TMEM232: variants seen among roughly 807,000 people sequenced by gnomAD.
TMEM232 encodes transmembrane protein 232.
In TMEM232, 80 loss-of-function variants were observed where a neutral mutation model predicts 78.8. That is an observed-to-expected ratio of 1.01 (90% confidence interval 0.85 to 1.22). The LOEUF (loss-of-function observed/expected upper bound fraction) is 1.22, where lower values mean the gene tolerates loss of function less well. Ranked by LOEUF, TMEM232 falls within the 50% of genes most tolerant of loss-of-function variation. The pLI is 0.00. For missense variants in TMEM232, 881 were observed against 742.2 expected (o/e 1.19, Z -2.17); for synonymous variants, 297 against 254.3 (o/e 1.17, Z -1.60).
At chr5:110,708,931 T>C (rs538077835) in intron 1 of TMEM232, among the ~76,000 whole-genome samples, 30 of 151,758 alleles carry the variant, frequency 2.0e-4, no homozygotes, top group Non-Finnish European at 3.7e-4. Context: ...TAAAAAAAAA[T>C]ATAGTGGCCG....
chr5:110,416,553 A>C (rs1413685952), downstream of TMEM232, among the ~76,000 whole-genome samples: 1 of 152,228 alleles, frequency 6.6e-6, no homozygotes, highest in Non-Finnish European at 1.5e-5. Context: ...AAGCAACCCC[A>C]AAGCAATTTC....
At chr5:110,673,074 C>T (rs903838791) in intron 1 of TMEM232, among the ~76,000 whole-genome samples, 2 of 152,018 alleles carry the variant, frequency 1.3e-5, no homozygotes, top group Admixed American at 6.6e-5. Context: ...CAATGATAGA[C>T]TGGATTAAGA....
chr5:110,716,053 G>T (rs978193634), intron 1 of TMEM232, among the ~76,000 whole-genome samples: 5 of 152,056 alleles, frequency 3.3e-5, no homozygotes, highest in African/African-American at 1.2e-4. Flanking sequence ...CCAAGCCAAT[G>T]TATATCTTAA....
intron 8 of TMEM232, among the ~76,000 whole-genome samples, chr5:110,608,879 T>C (rs1012047612): frequency 6.6e-6 from 1 of 152,074 alleles, no homozygotes; most frequent in African/African-American, 2.4e-5. Context: ...GTCTCAAGTA[T>C]CAGCATATTG....
rs897002255 is a variant in TMEM232 at position 110,696,748 on chromosome 5, G to A, written c.-12-29384C>T. On this transcript the variant is annotated intron_variant, in intron 1 of 13. Transcript: ENST00000455884. The stretch of plus-strand genomic sequence containing the variant: ...CTAGGAATCCAACTTATAAGGGATG[G>A]GAAGGACCTCTTCAAGGAGAACTAC... Among the ~76,000 whole-genome samples the A allele has an allele frequency of 2.3e-4, 35 of 151,644 alleles. 1 individual carries two copies. The highest frequency in any genetic ancestry group is 8.5e-4 in the African/African-American group (35 of 41,320).
At chr5:110,657,845 T>A (rs1314318122) in intron 2 of TMEM232, among the ~76,000 whole-genome samples, 2 of 152,066 alleles carry the variant, frequency 1.3e-5, no homozygotes, top group African/African-American at 4.8e-5. Context: ...GATTTTAGGG[T>A]GCTAATCAAT....
At chr5:110,413,305 G>T (rs530817339) in intron 2 of TMEM232, among the ~76,000 whole-genome samples, 49 of 152,100 alleles carry the variant, frequency 3.2e-4, no homozygotes, top group Non-Finnish European at 6.3e-4. Context: ...TGGACTCCTG[G>T]ACTTACACCA....
chr5:110,608,587 T>A (rs142586190), intron 8 of TMEM232, among the ~76,000 whole-genome samples: 1 of 152,066 alleles, frequency 6.6e-6, no homozygotes, highest in Non-Finnish European at 1.5e-5. Flanking sequence ...GATAGTCTCA[T>A]TGAACTATGG....
intron 1 of TMEM232, among the ~76,000 whole-genome samples, chr5:110,695,518 G>C (rs1458140192): frequency 1.3e-5 from 2 of 152,058 alleles, no homozygotes; most frequent in African/African-American, 2.4e-5. Context: ...CCAGGAGCTG[G>C]TTTTTTGAAA....
chr5:110,399,741 A>G (rs990889163), intron 2 of TMEM232, among the ~76,000 whole-genome samples: 15 of 152,114 alleles, frequency 9.9e-5, no homozygotes, highest in Non-Finnish European at 2.1e-4. Flanking sequence ...ACTTCACATC[A>G]ACACACAGTA....
chr5:110,450,242 G>A (rs1760120094), intron 12 of TMEM232, among the ~76,000 whole-genome samples: 1 of 152,118 alleles, frequency 6.6e-6, no homozygotes, highest in South Asian at 2.1e-4. Flanking sequence ...TCAGTCTCAG[G>A]TAGTTCTTTA....
chr5:110,696,747 G>A (rs1036862767), intron 1 of TMEM232, among the ~76,000 whole-genome samples: 13 of 151,786 alleles, frequency 8.6e-5, no homozygotes, highest in African/African-American at 3.1e-4. Flanking sequence ...TATAAGGGAT[G>A]GGAAGGACCT....
intron 1 of TMEM232, among the ~76,000 whole-genome samples, chr5:110,681,885 C>T (rs1792795956): frequency 6.6e-6 from 1 of 152,074 alleles, no homozygotes; most frequent in African/African-American, 2.4e-5. Flanking sequence ...GAGTTATATG[C>T]ATAGAGCATG....
At position 110,393,206 on chromosome 5, in the gene TMEM232, C is replaced by T. The variant is rs534851003; in HGVS notation, n.391-2566G>A. Among the ~76,000 whole-genome samples, 15 of 152,334 alleles carry T rather than the reference C, an allele frequency of 9.8e-5. No individual in the cohort carries two copies. The East Asian group carries it at 2.9e-3, about 29-fold the overall frequency. Reference sequence around the variant, plus strand: ...TTGATAGTATTGTTCAAGTCTTCCACATCTTTACAGATTTTCTGTCTACTT... The same window carrying T: ...TTGATAGTATTGTTCAAGTCTTCCATATCTTTACAGATTTTCTGTCTACTT... On this transcript the variant is annotated intron_variant and non_coding_transcript_variant, in intron 3 of 8. Coordinates refer to the TMEM232 transcript ENST00000507188.
chr5:110,451,751 A>T (rs1243134611), intron 12 of TMEM232, among the ~76,000 whole-genome samples: 1 of 152,020 alleles, frequency 6.6e-6, no homozygotes, highest in Non-Finnish European at 1.5e-5. Flanking sequence ...ATAGCCCTTT[A>T]CTTTTCTTGT....
At chr5:110,736,043 A>G (rs562789662) in intron 1 of TMEM232, among the ~76,000 whole-genome samples, 21 of 152,330 alleles carry the variant, frequency 1.4e-4, no homozygotes, top group Non-Finnish European at 1.8e-4. Context: ...AAGCTGCCCA[A>G]TTTGTTATGG....
intron 8 of TMEM232, among the ~76,000 whole-genome samples, chr5:110,609,287 T>A (rs1781887922): frequency 6.6e-6 from 1 of 152,060 alleles, no homozygotes; most frequent in South Asian, 2.1e-4. Flanking sequence ...GGAATTTCCA[T>A]AAACCATAAA....
intron 1 of TMEM232, among the ~76,000 whole-genome samples, chr5:110,705,434 A>G (rs1795829816): frequency 6.6e-6 from 1 of 152,076 alleles, no homozygotes; most frequent in Non-Finnish European, 1.5e-5. Flanking sequence ...AGCTGCATGG[A>G]AAGATAATGA....
intron 8 of TMEM232, among the ~76,000 whole-genome samples, chr5:110,615,083 T>C (rs1782760309): frequency 6.6e-6 from 1 of 151,998 alleles, no homozygotes; most frequent in Admixed American, 6.6e-5. Context: ...CAGAACAAAT[T>C]ATTGATGAAC....
Sources: allele counts gnomAD v4.1 joint callset (sites outside exome capture counted in the v4.1 genomes callset), GRCh38; gene constraint gnomAD v4.1.1; transcripts MANE v1.5; gene names NCBI Gene and HGNC (gene_info 2026-07-23, HGNC 2026-07-21).